CFTR: variants seen among roughly 807,000 people sequenced by gnomAD.
CFTR encodes the protein cystic fibrosis transmembrane conductance regulator.
CFTR carries 181 observed loss-of-function variants against 171.6 expected under a neutral mutation model. The ratio of observed to expected loss-of-function variants is 1.05; its 90% CI spans 0.93 to 1.19. The LOEUF (loss-of-function observed/expected upper bound fraction) is 1.19, where lower values mean the gene tolerates loss of function less well. Ranked by LOEUF, CFTR falls within the 50% of genes most tolerant of loss-of-function variation. CFTR has a pLI of 0.00. For missense variants in CFTR, 1,968 were observed against 1,734.7 expected, an observed-to-expected ratio of 1.13 and a Z score of -2.39; for synonymous variants, 583 against 608.0, an observed-to-expected ratio of 0.96 and a Z score of 0.60.
chr7:117,565,123 C>T (rs1791579460), intron 11 of CFTR, among the ~76,000 whole-genome samples: 2 of 152,110 alleles, frequency 1.3e-5, no homozygotes, highest in Non-Finnish European at 2.9e-5. Context: ...ATCCCTGTGC[C>T]CATTAACTTA....
At chr7:117,493,077 C>T (rs752369789) in intron 1 of CFTR, among the ~76,000 whole-genome samples, 2 of 152,016 alleles carry the variant, frequency 1.3e-5, no homozygotes, top group African/African-American at 2.4e-5. Flanking sequence ...TCTGGCACAG[C>T]GTTTCCTTTA....
intron 10 of CFTR, among the ~76,000 whole-genome samples, chr7:117,550,616 T>C (rs965850026): frequency 6.6e-6 from 1 of 152,202 alleles, no homozygotes; most frequent in Non-Finnish European, 1.5e-5. Flanking sequence ...AAGGTAGTAA[T>C]TGTGTTTCAT....
At chr7:117,630,568 G>A (rs1379528804) in intron 22 of CFTR, among the ~76,000 whole-genome samples, 6 of 152,118 alleles carry the variant, frequency 3.9e-5, no homozygotes, top group Non-Finnish European at 5.9e-5. Flanking sequence ...TCAGCAAATC[G>A]AGATGGAGTC....
chr7:117,658,310 CA>C (rs1325997631), intron 24 of CFTR, among the ~76,000 whole-genome samples: 1 of 152,034 alleles, frequency 6.6e-6, no homozygotes, highest in African/African-American at 2.4e-5. Flanking sequence ...TTCAAGTTTA[CA>C]TGTAAAATGG....
intron 8 of CFTR, 21 bp downstream of exon 8, chr7:117,540,367 A>G (rs893670925): frequency 1.2e-6 from 2 of 1,600,154 alleles, no homozygotes; most frequent in African/African-American, 1.3e-5. Flanking sequence ...ATAATGCTGC[A>G]TTATATACTA....
chr7:117,480,560 G>A (rs1303385732), intron 1 of CFTR, among the ~76,000 whole-genome samples: 2 of 152,094 alleles, frequency 1.3e-5, no homozygotes, highest in African/African-American at 4.8e-5. Context: ...TATAGTAAGT[G>A]CTCAGAAAAC....
intron 11 of CFTR, among the ~76,000 whole-genome samples, chr7:117,565,501 T>G (rs1003769685): frequency 6.6e-6 from 1 of 152,004 alleles, no homozygotes; most frequent in Non-Finnish European, 1.5e-5. Flanking sequence ...GTACCTGAGT[T>G]TGGAGAAGTA....
At chr7:117,566,248 A>C (rs928704943) in intron 11 of CFTR, among the ~76,000 whole-genome samples, 1 of 138,784 alleles carries the variant, frequency 7.2e-6, no homozygotes, top group Non-Finnish European at 1.6e-5. Flanking sequence ...AGCCTACTAA[A>C]ACACACACAC....
At chr7:117,534,171 T>G (rs946742249) in intron 4 of CFTR, 105 bp from the exon 5 acceptor site, 1 of 660,902 alleles carries the variant, frequency 1.5e-6, no homozygotes, top group Non-Finnish European at 2.7e-6. Flanking sequence ...TTACCTTTAC[T>G]TAATAATGAA....
chr7:117,507,059 T>G (rs1442725350), intron 2 of CFTR, among the ~76,000 whole-genome samples: 1 of 152,192 alleles, frequency 6.6e-6, no homozygotes, highest in Non-Finnish European at 1.5e-5. Flanking sequence ...TCTACATAAC[T>G]GCAGTGTGCA....
At chr7:117,659,733 T>G (rs548325151) in intron 24 of CFTR, among the ~76,000 whole-genome samples, 1 of 152,330 alleles carries the variant, frequency 6.6e-6, no homozygotes, top group East Asian at 1.9e-4. Flanking sequence ...CCATCCTTAC[T>G]CATTGATAGT....
chr7:117,664,947 C>A (rs1793349042), intron 25 of CFTR, 87 bp downstream of exon 25: 2 of 1,396,754 alleles, frequency 1.4e-6, no homozygotes, highest in Admixed American at 1.7e-5. Flanking sequence ...TTCTATTAGG[C>A]TGTCATGTCT....
intron 11 of CFTR, among the ~76,000 whole-genome samples, chr7:117,586,622 C>A (rs1056631927): frequency 2.0e-5 from 3 of 151,872 alleles, no homozygotes; most frequent in Admixed American, 6.6e-5. Flanking sequence ...ACAGAAGTAA[C>A]CATTTTGATA....
intron 23 of CFTR, among the ~76,000 whole-genome samples, chr7:117,642,906 T>G (rs993452244): frequency 5.3e-5 from 8 of 152,156 alleles, no homozygotes; most frequent in African/African-American, 1.9e-4. Flanking sequence ...GACCTCCAAG[T>G]TAGCAATCGC....
intron 3 of CFTR, among the ~76,000 whole-genome samples, chr7:117,530,431 G>C (rs1415023156): frequency 1.6e-4 from 24 of 152,024 alleles, no homozygotes; most frequent in Admixed American, 1.5e-3. Flanking sequence ...AGGTCACTTG[G>C]TCTGTGTGGC....
intron 11 of CFTR, among the ~76,000 whole-genome samples, chr7:117,569,572 C>T (rs937432952): frequency 6.6e-6 from 1 of 151,938 alleles, no homozygotes; most frequent in Non-Finnish European, 1.5e-5. Context: ...TAAATTAAAA[C>T]AACAATGGGC....
Position 117,603,758 on chromosome 7 carries a change from T to C in CFTR, c.2884T>C (p.Ser962Pro), listed in dbSNP as rs1667709914. The stretch of plus-strand genomic sequence containing the variant: ...ACATTCTGTTCTTCAAGCACCTATG[T>C]CAACCCTCAACACGTTGAAAGCAGG... The part of the protein sequence containing the change: ...MLHSVLQAPM[S>P]TLNTLKAGGI... Residue 962 changes from serine to proline, a missense_variant, in exon 17 of 27, where the codon TCA (serine) becomes CCA (proline). Physicochemically the swap from Ser to Pro is moderately conservative, Grantham distance 74 (BLOSUM62 -1). Coordinates refer to ENST00000003084, the MANE Select transcript of CFTR (RefSeq NM_000492.4). 1 of 1,613,878 alleles carries C rather than the reference T, an allele frequency of 6.2e-7. No individual in the cohort carries two copies. Among genetic ancestry groups the C allele is most frequent in the Non-Finnish European group, 8.5e-7 (1 of 1,179,948 alleles).
chr7:117,644,266 A>C (rs1217736865), intron 23 of CFTR, among the ~76,000 whole-genome samples: 1 of 152,176 alleles, frequency 6.6e-6, no homozygotes, highest in Non-Finnish European at 1.5e-5. Context: ...TCTTTGTGAC[A>C]AATTTTGAAC....
intron 24 of CFTR, among the ~76,000 whole-genome samples, chr7:117,658,514 C>A (rs1352521664): frequency 4.6e-5 from 7 of 152,058 alleles, no homozygotes; most frequent in African/African-American, 1.7e-4. Flanking sequence ...ATTTTGATGA[C>A]CTCCATTATC....
Sources: gnomAD v4.1 joint callset for allele counts (sites outside exome capture counted in the v4.1 genomes callset) on GRCh38, gnomAD v4.1.1 for gene constraint, MANE v1.5 for transcripts, NCBI Gene and HGNC (gene_info 2026-07-23, HGNC 2026-07-21) for gene names.